STARD13: variants seen among roughly 807,000 people sequenced by gnomAD.
The protein encoded by STARD13 is StAR related lipid transfer domain containing 13.
Under a neutral mutation model 106.4 loss-of-function variants are expected in STARD13, and 62 were observed. That is an observed-to-expected ratio of 0.58 (90% CI 0.48 to 0.72). The LOEUF (loss-of-function observed/expected upper bound fraction) is 0.72. Ranked by LOEUF, STARD13 falls within the 30% of genes least tolerant of loss-of-function variation. The probability of loss-of-function intolerance (pLI) is 0.00; values close to 1 mark genes in which losing one functional copy is unlikely to be tolerated. For synonymous variants in STARD13, 565 were observed against 553.0 expected, an observed-to-expected ratio of 1.02 and a Z score of -0.31; for missense variants, 1,387 against 1,424.0, an observed-to-expected ratio of 0.97 and a Z score of 0.42.
In STARD13 at chr13:33,110,033, G is replaced by C. The variant is rs188532172; in HGVS notation, c.2887C>G (p.Pro963Ala). 3.1e-6 allele frequency: 5 copies of C among 1,614,222 alleles called. No individual in the cohort carries two copies. Among genetic ancestry groups the C allele is most frequent in the East Asian group, 2.2e-5 (1 of 44,888 alleles). Reference sequence around the variant, plus strand: ...AGCACGCGGTTCAGGACCACTGAGGGGGGTGCTTCCACCTCCACAGAAGCC... The same window carrying C: ...AGCACGCGGTTCAGGACCACTGAGGCGGGTGCTTCCACCTCCACAGAAGCC... ...WKASVEVEAP[P>A]SVVLNRVLRE... is the part of the protein sequence containing the mutation. Residue 963 changes from proline (P) to alanine (A), a missense_variant, in exon 12 of 14, where the codon CCC (proline) becomes GCC (alanine). Physicochemically the swap from Pro to Ala is conservative, Grantham distance 27. Coordinates refer to ENST00000336934, the MANE Select transcript of STARD13 (RefSeq NM_178006.4).
At chr13:33,372,765 G>A in the STARD13 span, among the ~76,000 whole-genome samples, 1 of 151,692 alleles carries the variant, frequency 6.6e-6, no homozygotes, top group South Asian at 2.1e-4. Flanking sequence ...AAGTAAAACC[G>A]AGACAGGATT....
upstream of STARD13, among the ~76,000 whole-genome samples, chr13:33,289,748 T>G (rs1398129420): frequency 6.6e-6 from 1 of 152,054 alleles, no homozygotes; most frequent in African/African-American, 2.4e-5. Flanking sequence ...AGAGTTGGTG[T>G]CTTCAAGTAA....
At chr13:33,482,021 G>A in the STARD13 span, among the ~76,000 whole-genome samples, 1 of 151,290 alleles carries the variant, frequency 6.6e-6, no homozygotes. Flanking sequence ...AGAAATAGAA[G>A]CACTGACTGG....
At chr13:33,368,723 G>T in the STARD13 span, among the ~76,000 whole-genome samples, 1 of 152,094 alleles carries the variant, frequency 6.6e-6, no homozygotes, top group African/African-American at 2.4e-5. Flanking sequence ...ATGAGAGTCT[G>T]GACAGAAACA....
At chr13:33,612,501 C>A in the STARD13 span, among the ~76,000 whole-genome samples, 1 of 152,128 alleles carries the variant, frequency 6.6e-6, no homozygotes, top group African/African-American at 2.4e-5. Flanking sequence ...GCACAGCCTC[C>A]TGGAAGCCCC....
At chr13:33,185,294 A>G (rs773282417) in intron 1 of STARD13, among the ~76,000 whole-genome samples, 23 of 152,254 alleles carry the variant, frequency 1.5e-4, no homozygotes, top group African/African-American at 5.3e-4. Flanking sequence ...TCTGCTCAGC[A>G]ACACGAAGTG....
At chr13:33,542,124 T>C in the STARD13 span, among the ~76,000 whole-genome samples, 1 of 152,192 alleles carries the variant, frequency 6.6e-6, no homozygotes, top group East Asian at 1.9e-4. Context: ...CTTAAATAAT[T>C]TGAAAATGTT....
chr13:33,503,520 G>C, the STARD13 span, among the ~76,000 whole-genome samples: 1 of 152,166 alleles, frequency 6.6e-6, no homozygotes, highest in African/African-American at 2.4e-5. Context: ...TGGGCATTTA[G>C]TGCTATAAAT....
chr13:33,273,461 A>AG (rs1206221461), intron 1 of STARD13, among the ~76,000 whole-genome samples: 2 of 152,206 alleles, frequency 1.3e-5, no homozygotes, highest in African/African-American at 4.8e-5. Context: ...TTCTAAATAG[A>AG]GGGGGACTTA....
At chr13:33,122,397 T>C (rs570769526) in intron 7 of STARD13, among the ~76,000 whole-genome samples, 2 of 152,342 alleles carry the variant, frequency 1.3e-5, no homozygotes, top group East Asian at 1.9e-4. Flanking sequence ...TTTGTGTCTG[T>C]CACCCATGGA....
At chr13:33,554,367 T>G in the STARD13 span, among the ~76,000 whole-genome samples, 1 of 152,164 alleles carries the variant, frequency 6.6e-6, no homozygotes, top group African/African-American at 2.4e-5. Flanking sequence ...TGTAGCTGAT[T>G]CGCATAGAGG....
chr13:33,479,414 C>G, the STARD13 span, among the ~76,000 whole-genome samples: 1 of 152,110 alleles, frequency 6.6e-6, no homozygotes, highest in African/African-American at 2.4e-5. Flanking sequence ...TGCAAAAAGA[C>G]AGATGCATAC....
the STARD13 span, among the ~76,000 whole-genome samples, chr13:33,413,487 A>C: frequency 6.1e-3 from 931 of 152,310 alleles, 30 homozygotes; most frequent in Admixed American, 0.054. Flanking sequence ...GTTCTTTAAA[A>C]TTGACAAACA....
chr13:33,138,598 G>A, intron 4 of STARD13: 1 of 233,606 alleles, frequency 4.3e-6, no homozygotes. Context: ...CGCATCCATA[G>A]TCACATAGAA....
chr13:33,566,531 A>G, the STARD13 span, among the ~76,000 whole-genome samples: 1 of 148,142 alleles, frequency 6.8e-6, no homozygotes, highest in Non-Finnish European at 1.5e-5. Context: ...CATTATAATC[A>G]TAGTACTTCA....
intron 1 of STARD13, among the ~76,000 whole-genome samples, chr13:33,214,214 C>A (rs967055497): frequency 6.6e-6 from 1 of 152,212 alleles, no homozygotes; most frequent in Admixed American, 6.5e-5. Context: ...CTTTAAACCT[C>A]ACAAACAAAA....
At chr13:33,278,249 G>A (rs1891559244) in intron 1 of STARD13, 1 of 152,194 alleles carries the variant, frequency 6.6e-6, no homozygotes, top group Non-Finnish European at 1.5e-5. Context: ...GAAAGGGAAT[G>A]TAGCATTTCC....
upstream of STARD13, among the ~76,000 whole-genome samples, chr13:33,287,683 C>T (rs1892127859): frequency 6.6e-6 from 1 of 152,152 alleles, no homozygotes; most frequent in Non-Finnish European, 1.5e-5. Context: ...GCACCGGTGG[C>T]CGTCCAATTA....
chr13:33,505,166 G>A, the STARD13 span, among the ~76,000 whole-genome samples: 2 of 152,180 alleles, frequency 1.3e-5, no homozygotes, highest in Non-Finnish European at 2.9e-5. Flanking sequence ...TGTCCTCAAT[G>A]TGGTCAGCAA....
Sources: allele counts gnomAD v4.1 joint callset (sites outside exome capture counted in the v4.1 genomes callset), GRCh38; gene constraint gnomAD v4.1.1; transcripts MANE v1.5; gene names NCBI Gene and HGNC (gene_info 2026-07-23, HGNC 2026-07-21).